The following CUL7 variants were observed in gnomAD, a reference collection of about 807,000 sequenced individuals.
CUL7 encodes cullin 7.
A neutral mutation model predicts 177.7 loss-of-function variants in CUL7; 96 were observed. The ratio of observed to expected loss-of-function variants is 0.54; its 90% confidence interval spans 0.46 to 0.64. The LOEUF is 0.64. Ranked by LOEUF, CUL7 falls within the 30% of genes least tolerant of loss-of-function variation. The pLI, the probability that CUL7 is intolerant of heterozygous loss-of-function variation, is 0.00. For synonymous variants in CUL7, 824 were observed against 890.2 expected (o/e 0.93, Z 1.32); for missense variants, 1,893 against 2,187.9 (o/e 0.87, Z 2.69).
Position 43,053,530 on chromosome 6 carries a change from T to G in CUL7, c.-9+92A>C. The stretch of plus-strand genomic sequence containing the variant: ...CATAAGCTAGAACCCCGAGGCACGG[T>G]AGGATGGGGACCGAGGTTGGGTGAG... On this transcript the variant is annotated intron_variant, in intron 1 of 25. Transcript: ENST00000265348. This position sits in a 1 kb window ranked among gnomAD's most constrained non-coding sequence, Gnocchi z 4.1. 1 of 855,606 alleles carries G rather than the reference T, an allele frequency of 1.2e-6. No individual in the cohort carries two copies. 53.0% of individuals were successfully genotyped at this position (855,606 alleles called of 1,614,324 possible). A position where few individuals can be genotyped will look rare whatever the true frequency, so the allele number is the denominator to read the frequency against.
At chr6:43,044,512 G>C (rs1763721056) in intron 16 of CUL7, among the ~76,000 whole-genome samples, 1 of 148,616 alleles carries the variant, frequency 6.7e-6, no homozygotes, top group Admixed American at 6.7e-5. Flanking sequence ...AAAAAAAAAA[G>C]AAGAATGATA....
rs1223747090 is a variant in CUL7 at position 43,038,732 on chromosome 6, G to A, written c.4441-40C>T. 3 of 1,612,862 alleles carry A rather than the reference G, an allele frequency of 1.9e-6. No individual in the cohort carries two copies. In the South Asian group the frequency reaches 3.3e-5, roughly 18 times the overall value. ...TGGGAGACATTCAGGGCCTCCCCAA[G>A]GAGTGGAGAGAAGAGGATGGAGGGA... On this transcript the variant is annotated intron_variant, in intron 23 of 25. Transcript: ENST00000265348.
chr6:43,042,890 A>G lies in CUL7; in HGVS notation c.3557T>C (p.Leu1186Pro). The G allele has an allele frequency of 6.2e-7, 1 of 1,614,134 alleles. No individual in the cohort carries two copies. The highest frequency in any genetic ancestry group is 8.5e-7 in the Non-Finnish European group (1 of 1,179,986). The change falls in exon 19 of 26, where the codon CTG (leucine) becomes CCG (proline). Residue 1186 changes from leucine (L) to proline (P), a missense_variant. Physicochemically the swap from Leu to Pro is moderately conservative, Grantham distance 98. Around this residue, in one of 5 missense-constraint regions of CUL7, gnomAD observed 973 missense variants for 1,140.9 expected, o/e 0.85. Transcript: ENST00000265348. The stretch of plus-strand genomic sequence containing the variant: ...CAAGAAGGCTGCCCGAGGCCCAAAC[A>G]GTTCAGAGCTTGAGTTCTGCAGAAT... ...FNILQNSSSE[L>P]FGPRAAFLLA...
At chr6:43,044,723 G>A in intron 16 of CUL7, 29 bp downstream of exon 16, 1 of 1,594,852 alleles carries the variant, frequency 6.3e-7, no homozygotes. Flanking sequence ...CCCTGAGATA[G>A]TAATGGGTCC....
chr6:43,048,439 G>C lies in CUL7; in HGVS notation c.1956C>G (p.Val652=). ...LSSEGTQENK[V]KPLLLQLQRQ... ...GCTGCAGCTGCAGCAGGAGTGGCTT[G>C]ACCTTGTTCTCCTGGGTCCCCTCTG... The change falls in exon 8 of 26, where the codon GTC becomes GTG. Residue 652 remains valine, a synonymous_variant. Transcript: ENST00000265348. 1.2e-6 allele frequency: 2 copies of C among 1,613,888 alleles called. No homozygotes were observed. The highest frequency in any genetic ancestry group is 1.7e-6 in the Non-Finnish European group (2 of 1,179,918).
chr6:43,053,772 G>A lies in CUL7; in HGVS notation c.-159C>T, dbSNP rs1285201845. 2.0e-6 allele frequency: 3 copies of A among 1,530,790 alleles called. No homozygotes were observed. In the Admixed American group the frequency reaches 5.9e-5, roughly 30 times the overall value. 94.8% of individuals were successfully genotyped at this position (1,530,790 alleles called of 1,614,324 possible). On this transcript the variant is annotated 5_prime_UTR_variant, in exon 1 of 26. Transcript: ENST00000265348. The surrounding 1 kb of genome is among the most constrained non-coding windows in gnomAD (Gnocchi z 4.1). ...AGGGGGCGTGCCTCCGCGGAACAGAGCTGCACCCGCGTGAGTCGGCAGCCA... is the reference window on the plus strand; with the variant it reads ...AGGGGGCGTGCCTCCGCGGAACAGAACTGCACCCGCGTGAGTCGGCAGCCA...
Position 43,051,086 on chromosome 6 carries a change from T to C in CUL7, c.1115A>G (p.Tyr372Cys), listed in dbSNP as rs1320768536. ...EFASGNTYAL[Y>C]VRDTLQPGMR... ...CCCCGGCTGCAGTGTGTCCCGCACA[T>C]ACAAAGCATAGGTATTGCCACTTGC... The change falls in exon 4 of 26, where the codon TAT (tyrosine) becomes TGT (cysteine). Residue 372 changes from tyrosine (Y) to cysteine (C), a missense_variant. By Grantham distance (194) the Tyr-to-Cys change is radical. Transcript: ENST00000265348. This position sits in a 1 kb window ranked among gnomAD's most constrained non-coding sequence, Gnocchi z 5.0. 1 of 1,614,148 alleles carries C rather than the reference T, an allele frequency of 6.2e-7. No homozygotes were observed. Among genetic ancestry groups the C allele is most frequent in the Non-Finnish European group, 8.5e-7 (1 of 1,180,014 alleles).
Position 43,044,769 on chromosome 6 carries a change from T to C in CUL7, c.3155A>G (p.Gln1052Arg), listed in dbSNP as rs755713764. 2 of 1,611,474 alleles carry C rather than the reference T, an allele frequency of 1.2e-6. No homozygotes were observed. Among genetic ancestry groups the C allele is most frequent in the African/African-American group, 1.3e-5 (1 of 74,994 alleles). ...CWEALVSPVV[Q>R]NITSPDEDGI... The stretch of plus-strand genomic sequence containing the variant: ...ATGGTTACCAGGGGAGGTGATGTTC[T>C]GCACCACGGGGCTGACCAGGGCCTC... The change falls in exon 16 of 26, where the codon CAG (glutamine) becomes CGG (arginine). Residue 1052 changes from glutamine (Q) to arginine (R), a missense_variant. Physicochemically the swap from Gln to Arg is conservative, Grantham distance 43 (BLOSUM62 1). Transcript: ENST00000265348.
At position 43,038,365 on chromosome 6, in the gene CUL7, T is replaced by G. The variant is rs776631862; in HGVS notation, c.4675A>C (p.Asn1559His). ...AGAAGATTCCGTCTCTTCTCCAAGTTCTGGCCGTCTTCACCCTCAGCTTGC... is the reference window on the plus strand; with the variant it reads ...AGAAGATTCCGTCTCTTCTCCAAGTGCTGGCCGTCTTCACCCTCAGCTTGC... ...YLQAEGEDGQ[N>H]LEKRRNLLNC... The change falls in exon 25 of 26, where the codon AAC becomes CAC. Residue 1559 changes from asparagine to histidine, a missense_variant. This residue lies in a region of CUL7 where 248 missense variants were observed against 262.5 expected (regional missense o/e 0.94). Transcript: ENST00000265348. The G allele has an allele frequency of 1.3e-5, 21 of 1,614,068 alleles. No individual in the cohort carries two copies. The highest frequency in any genetic ancestry group is 1.8e-5 in the Non-Finnish European group (21 of 1,180,040).
rs753203468 is a variant in CUL7, at chr6:43,052,134, CCA to C, written c.580+73_580+74del. The stretch of plus-strand genomic sequence containing the variant: ...GTACTGATGAGATCAGAGGCTCCTG[CCA>C]CAGTGTCCTGTGAGTCCCTGAGCCG... On this transcript the variant is annotated intron_variant, in intron 2 of 25. Coordinates refer to ENST00000265348, the MANE Select transcript of CUL7 (RefSeq NM_014780.5). The surrounding 1 kb of genome is among the most constrained non-coding windows in gnomAD (Gnocchi z 4.5). The C allele has an allele frequency of 4.4e-6, 7 of 1,587,904 alleles. No homozygotes were observed. Among genetic ancestry groups the C allele is most frequent in the Middle Eastern group, 3.3e-4 (2 of 6,062 alleles).
chr6:43,039,782 C>T (rs1763255436), intron 22 of CUL7, among the ~76,000 whole-genome samples: 1 of 147,438 alleles, frequency 6.8e-6, no homozygotes, highest in Non-Finnish European at 1.5e-5. Flanking sequence ...CGCTGTCGCC[C>T]AGGCTAGAGT....
In CUL7 at chr6:43,046,046, C is replaced by G; in HGVS notation, c.2706G>C (p.Pro902=). 6.2e-7 allele frequency: 1 copy of G among 1,614,134 alleles called. No homozygotes were observed. The highest frequency in any genetic ancestry group is 8.5e-7 in the Non-Finnish European group (1 of 1,180,020). ...CACCCCCGCACACCACCACTCGGGC[C>G]GGCATGTAACTCGAGTCCTCACTAG... ...LVASEDSSYM[P]ARVVVCGGDS... is the part of the protein sequence containing the mutation. The change falls in exon 13 of 26, where the codon CCG becomes CCC. Residue 902 remains proline (P), a synonymous_variant. Transcript: ENST00000265348.
At chr6:43,041,157 G>A in intron 19 of CUL7, 82 bp from the exon 20 acceptor site, 1 of 1,409,390 alleles carries the variant, frequency 7.1e-7, no homozygotes. Context: ...GGTCTGGAAA[G>A]TAGATATGAA....
rs61750320 is a variant in CUL7, at chr6:43,046,282, C to T, written c.2614G>A (p.Gly872Ser). The change falls in exon 12 of 26, where the codon GGC becomes AGC. Residue 872 changes from glycine (G) to serine (S), a missense_variant. Transcript: ENST00000265348. The stretch of plus-strand genomic sequence containing the variant: ...ATGTGCAGGGTGATGTAGTGGGAGC[C>T]GGCGCTGCCGTTGGACTCCCAATAG... ...KTYWESNGSA[G>S]SHYITLHMRR... The T allele has an allele frequency of 2.4e-3, 3,841 of 1,614,188 alleles. 6 individuals are homozygous for T. Among genetic ancestry groups the T allele is most frequent in the Non-Finnish European group, 3.0e-3 (3,508 of 1,180,038 alleles).
rs1292167719 is a variant in CUL7, at chr6:43,043,771, G to A, written c.3173-141C>T. On this transcript the variant is annotated intron_variant, in intron 16 of 25. Coordinates refer to ENST00000265348, the MANE Select transcript of CUL7 (RefSeq NM_014780.5). This position sits in a 1 kb window ranked among gnomAD's most constrained non-coding sequence, Gnocchi z 4.2. ...GGGCCAGGTAGGGTGGTTTACGCCT[G>A]TAATCCCAGCACTTTGGGAGGCTGA... 1 of 701,762 alleles carries A rather than the reference G, an allele frequency of 1.4e-6. No homozygotes were observed. The highest frequency in any genetic ancestry group is 2.6e-6 in the Non-Finnish European group (1 of 381,796). 43.5% of individuals were successfully genotyped at this position (701,762 alleles called of 1,614,324 possible). A position where few individuals can be genotyped will look rare whatever the true frequency, so the allele number is the denominator to read the frequency against.
In CUL7 at chr6:43,038,828, C is replaced by T. The variant is rs754748401; in HGVS notation, c.4440+14G>A. The stretch of plus-strand genomic sequence containing the variant: ...AGTGGGAGACAGGAGAGAGGTGCAG[C>T]GGGGCTGGGCCACCTTCAGGTCGTT... On this transcript the variant is annotated intron_variant, in intron 23 of 25. Transcript: ENST00000265348. The T allele has an allele frequency of 1.9e-5, 31 of 1,614,022 alleles. No homozygotes were observed. Among genetic ancestry groups the T allele is most frequent in the Middle Eastern group, 1.6e-4 (1 of 6,082 alleles).
At chr6:43,038,110 C>T (rs1262041593) in intron 25 of CUL7, 99 bp from the exon 26 acceptor site, 1 of 1,502,026 alleles carries the variant, frequency 6.7e-7, no homozygotes, top group Non-Finnish European at 9.0e-7. Context: ...GACAGGATGC[C>T]CCAAGGACAC....
chr6:43,040,415 C>T lies in CUL7; in HGVS notation c.4035G>A (p.Gly1345=), dbSNP rs758986941. Reference sequence around the variant, plus strand: ...CGCTCTTGTGCTCCTTGCCACTGGCCCCAAGGCCCACCTGAAGGAGCACAG... The same window carrying T: ...CGCTCTTGTGCTCCTTGCCACTGGCTCCAAGGCCCACCTGAAGGAGCACAG... ...DTEKKIQVGL[G]ASGKEHKSEK... The change falls in exon 22 of 26, where the codon GGG becomes GGA. Residue 1345 remains glycine, a synonymous_variant. Transcript: ENST00000265348. The surrounding 1 kb of genome is among the most constrained non-coding windows in gnomAD (Gnocchi z 4.2). 10 of 1,612,488 alleles carry T rather than the reference C, an allele frequency of 6.2e-6. No homozygotes were observed. The highest frequency in any genetic ancestry group is 8.5e-6 in the Non-Finnish European group (10 of 1,180,030).
chr6:43,046,477 G>C (rs752980860), intron 11 of CUL7, 34 bp downstream of exon 11: 4 of 1,614,156 alleles, frequency 2.5e-6, no homozygotes, highest in Non-Finnish European at 3.4e-6. Flanking sequence ...ACATAGGTGT[G>C]GGGAGGTGGA....
Sources: gnomAD v4.1 joint callset for allele counts (sites outside exome capture counted in the v4.1 genomes callset) on GRCh38, gnomAD v4.1.1 for gene constraint, gnomAD v4.1.1 regional missense constraint, Gnocchi (gnomAD v3.1) non-coding constraint, MANE v1.5 for transcripts, NCBI Gene and HGNC (gene_info 2026-07-23, HGNC 2026-07-21) for gene names.